The following FSD2 variants were observed in gnomAD, a reference collection of about 807,000 sequenced individuals.
The protein encoded by FSD2 is fibronectin type III and SPRY domain-containing protein 2.
FSD2 carries 71 observed loss-of-function variants against 80.4 expected under a neutral mutation model. That is an observed-to-expected ratio of 0.88 (90% confidence interval 0.73 to 1.08). The LOEUF (loss-of-function observed/expected upper bound fraction) is 1.08, where lower values mean the gene tolerates loss of function less well. Ranked by LOEUF, FSD2 falls within the 50% of genes least tolerant of loss-of-function variation. FSD2 has a pLI of 0.00. For synonymous variants in FSD2, 361 were observed against 329.5 expected (o/e 1.10, Z -1.03); for missense variants, 923 against 913.8 (o/e 1.01, Z -0.13).
At chr15:82,760,449 A>G (rs1385650021) in intron 12 of FSD2, among the ~76,000 whole-genome samples, 1 of 152,136 alleles carries the variant, frequency 6.6e-6, no homozygotes, top group Non-Finnish European at 1.5e-5. Context: ...CCTGCTACCT[A>G]CAGATATTTG....
intron 6 of FSD2, among the ~76,000 whole-genome samples, chr15:82,777,699 T>A (rs551461422): frequency 6.6e-6 from 1 of 151,754 alleles, no homozygotes; most frequent in East Asian, 1.9e-4. Context: ...TACAAAAAAT[T>A]AGTGGAGCGT....
At chr15:82,790,603 TCTCA>T (rs1191355662) in intron 1 of FSD2, among the ~76,000 whole-genome samples, 1 of 151,696 alleles carries the variant, frequency 6.6e-6, no homozygotes. Flanking sequence ...TGAGACAGAG[TCTCA>T]CTCTGTCGCC....
chr15:82,789,813 T>C (rs1236900187), intron 1 of FSD2, among the ~76,000 whole-genome samples: 1 of 152,140 alleles, frequency 6.6e-6, no homozygotes, highest in Non-Finnish European at 1.5e-5. Flanking sequence ...TTCCAATTAC[T>C]CAGGAGGCTA....
At chr15:82,790,356 G>C (rs2050111315) in intron 1 of FSD2, among the ~76,000 whole-genome samples, 1 of 152,104 alleles carries the variant, frequency 6.6e-6, no homozygotes. Flanking sequence ...CTTCAGCCAG[G>C]GTCAGACTTA....
intron 1 of FSD2, among the ~76,000 whole-genome samples, chr15:82,802,451 C>T (rs1344242116): frequency 6.6e-6 from 1 of 152,120 alleles, no homozygotes; most frequent in Non-Finnish European, 1.5e-5. Flanking sequence ...AGCCTTCTGC[C>T]CTGAGAGGCC....
intron 1 of FSD2, among the ~76,000 whole-genome samples, chr15:82,798,885 T>G (rs1224054808): frequency 6.7e-6 from 1 of 149,196 alleles, no homozygotes; most frequent in Non-Finnish European, 1.5e-5. Context: ...TTTGTTTTTT[T>G]TTTTTTTTTT....
intron 1 of FSD2, among the ~76,000 whole-genome samples, chr15:82,798,031 C>T (rs569044551): frequency 2.0e-5 from 3 of 152,122 alleles, no homozygotes; most frequent in African/African-American, 7.2e-5. Flanking sequence ...CAACAAAAGA[C>T]TTTCCAAGCA....
chr15:82,779,914 G>A (rs1402205496), intron 5 of FSD2, among the ~76,000 whole-genome samples: 1 of 152,134 alleles, frequency 6.6e-6, no homozygotes, highest in Non-Finnish European at 1.5e-5. Flanking sequence ...CAACTGGACA[G>A]TCTGGGTCCA....
intron 1 of FSD2, among the ~76,000 whole-genome samples, chr15:82,798,482 G>A: frequency 6.6e-6 from 1 of 152,074 alleles, no homozygotes; most frequent in East Asian, 1.9e-4. Context: ...TTAAAAAATT[G>A]TGGTAAATCT....
chr15:82,794,860 G>C (rs1873732145), intron 1 of FSD2, among the ~76,000 whole-genome samples: 1 of 151,990 alleles, frequency 6.6e-6, no homozygotes, highest in African/African-American at 2.4e-5. Context: ...GAGTAGCTGG[G>C]ACTACAGGCG....
At position 82,780,314 on chromosome 15, in the gene FSD2, T is replaced by G. The variant is rs1035757074; in HGVS notation, c.967-47A>C. 2.3e-6 allele frequency: 3 copies of G among 1,328,334 alleles called. No individual in the cohort carries two copies. In the African/African-American group the frequency reaches 4.6e-5, roughly 20 times the overall value. 82.3% of individuals were successfully genotyped at this position (1,328,334 alleles called of 1,614,324 possible). ...TATTAAGTTGATTTTGGAAATAAAT[T>G]TCTTTTTTCTTTTTCTTTCTTTCTT... On this transcript the variant is annotated intron_variant, in intron 4 of 12. Transcript: ENST00000334574.
rs750635394 is a variant in FSD2 at position 82,759,313 on chromosome 15, G to C, written c.*35C>G. 4 of 1,604,616 alleles carry C rather than the reference G, an allele frequency of 2.5e-6. No individual in the cohort carries two copies. Among genetic ancestry groups the C allele is most frequent in the Non-Finnish European group, 3.4e-6 (4 of 1,176,032 alleles). On this transcript the variant is annotated 3_prime_UTR_variant, in exon 13 of 13. Transcript: ENST00000334574. The stretch of plus-strand genomic sequence containing the variant: ...GGCGTGAGCAGCTGCGAGAGGGGTA[G>C]GCATGGAAGACAGGAAACTGGACAT...
At chr15:82,791,714 A>G (rs1033522302) in intron 1 of FSD2, among the ~76,000 whole-genome samples, 1 of 152,014 alleles carries the variant, frequency 6.6e-6, no homozygotes, top group Non-Finnish European at 1.5e-5. Context: ...GAAGCACTGT[A>G]CCCTTTAGCT....
chr15:82,798,871 C>CTTTT (rs1596265379), intron 1 of FSD2, among the ~76,000 whole-genome samples: 2 of 103,196 alleles, frequency 1.9e-5, no homozygotes, highest in African/African-American at 3.8e-5. Flanking sequence ...ACTATCTCCA[C>CTTTT]TGTTTTGTTT....
At chr15:82,768,343 C>G (rs899389104) in intron 9 of FSD2, among the ~76,000 whole-genome samples, 1 of 152,244 alleles carries the variant, frequency 6.6e-6, no homozygotes, top group African/African-American at 2.4e-5. Flanking sequence ...GGGGCTCAGT[C>G]TTTCCCATAT....
In FSD2 at chr15:82,765,263, G is replaced by A. The variant is rs1480580206; in HGVS notation, c.1723C>T (p.Pro575Ser). The change falls in exon 11 of 13, where the codon CCC becomes TCC. Residue 575 changes from proline to serine, a missense_variant. Physicochemically the swap from Pro to Ser is moderately conservative, Grantham distance 74. Transcript: ENST00000334574. ...CCGTCTTCAGAAATGGTCAGCCAGG[G>A]ATGGCAAGTGTCCTTGTTTAGGCGA... is the stretch of plus-strand genomic sequence containing the variant. Reference protein sequence around the residue: ...YFRLNKDTCHPWLTISEDGLT... With the variant: ...YFRLNKDTCHSWLTISEDGLT... The A allele has an allele frequency of 6.2e-7, 1 of 1,613,262 alleles. No individual in the cohort carries two copies. Among genetic ancestry groups the A allele is most frequent in the Middle Eastern group, 1.7e-4 (1 of 6,056 alleles).
chr15:82,775,137 G>A (rs2049684961), intron 6 of FSD2, among the ~76,000 whole-genome samples: 1 of 151,038 alleles, frequency 6.6e-6, no homozygotes, highest in East Asian at 2.0e-4. Context: ...GGTGGCTCAC[G>A]CCTGTAATCC....
At position 82,783,143 on chromosome 15, in the gene FSD2, G is replaced by A. The variant is rs923973084; in HGVS notation, c.736-118C>T. ...AGACACAGTCTTGCAGTGTTGCCCA[G>A]GCTGGAGTACAGTAGTGTGATCTTG... On this transcript the variant is annotated intron_variant, in intron 3 of 12. Transcript: ENST00000334574. The A allele has an allele frequency of 4.1e-6, 3 of 727,132 alleles. No individual in the cohort carries two copies. The African/African-American group carries it at 5.3e-5, about 13-fold the overall frequency. The allele number at this position is 727,132 out of a possible 1,614,324, so 45.0% of individuals were successfully genotyped here.
At chr15:82,793,738 A>G (rs1797081226) in intron 1 of FSD2, among the ~76,000 whole-genome samples, 2 of 152,176 alleles carry the variant, frequency 1.3e-5, no homozygotes, top group African/African-American at 4.8e-5. Context: ...GTGTCTTTCT[A>G]GGAAATGTCT....
Sources: allele counts gnomAD v4.1 joint callset (sites outside exome capture counted in the v4.1 genomes callset), GRCh38; gene constraint gnomAD v4.1.1; transcripts MANE v1.5; gene names NCBI Gene and HGNC (gene_info 2026-07-23, HGNC 2026-07-21).